Variants in OR51B5 observed in about 807,000 individuals in gnomAD.
The protein encoded by OR51B5 is olfactory receptor 51B5.
For missense variants in OR51B5, 456 were observed against 374.6 expected (o/e 1.22, Z -1.79); for synonymous variants, 186 against 144.8 (o/e 1.28, Z -2.04).
chr11:5,399,707 A>T (rs1355498111), intron 1 of OR51B5, among the ~76,000 whole-genome samples: 1 of 151,992 alleles, frequency 6.6e-6, no homozygotes, highest in Non-Finnish European at 1.5e-5. Flanking sequence ...ATCTCTTTCA[A>T]GGAGATCTGA....
At chr11:5,438,246 G>A (rs1850618800) in intron 1 of OR51B5, among the ~76,000 whole-genome samples, 1 of 150,968 alleles carries the variant, frequency 6.6e-6, no homozygotes, top group South Asian at 2.1e-4. Context: ...CAGCATGAAG[G>A]GGAACAAACC....
chr11:5,429,524 GT>G (rs1436068058), intron 1 of OR51B5, among the ~76,000 whole-genome samples: 2 of 152,188 alleles, frequency 1.3e-5, no homozygotes, highest in Non-Finnish European at 2.9e-5. Flanking sequence ...AATCAGCACA[GT>G]TCCATAAATT....
At chr11:5,422,314 C>T in intron 1 of OR51B5, 2 of 1,614,026 alleles carry the variant, frequency 1.2e-6, no homozygotes, top group Non-Finnish European at 8.5e-7. Flanking sequence ...GTCTCTACAC[C>T]ATCTCCATCA....
chr11:5,358,840 T>A (rs1323125426), intron 1 of OR51B5, among the ~76,000 whole-genome samples: 1 of 152,090 alleles, frequency 6.6e-6, no homozygotes, highest in Non-Finnish European at 1.5e-5. Context: ...TGGTTCAACA[T>A]ATGCAAATCA....
chr11:5,459,741 C>T (rs570486972), intron 1 of OR51B5, among the ~76,000 whole-genome samples: 1 of 152,106 alleles, frequency 6.6e-6, no homozygotes, highest in African/African-American at 2.4e-5. Flanking sequence ...CAGATGCTGG[C>T]GAGGTTGTGG....
rs1445875278 is a variant in OR51B5, at chr11:5,503,080, A to G, written n.84+2489T>C. Reference sequence around the variant, plus strand: ...TACAATCATAGTTGTATTAAAATATATAAAAGTACAAACATCATAGTATTG... The same window carrying G: ...TACAATCATAGTTGTATTAAAATATGTAAAAGTACAAACATCATAGTATTG... On this transcript the variant is annotated intron_variant and non_coding_transcript_variant, in intron 1 of 4. Transcript: ENST00000415970. 2.6e-5 allele frequency among the ~76,000 whole-genome samples: 4 copies of G among 152,340 alleles called. No homozygotes were observed. In the East Asian group the frequency reaches 5.8e-4, roughly 22 times the overall value.
chr11:5,356,905 A>C (rs1203884230), intron 1 of OR51B5, among the ~76,000 whole-genome samples: 3 of 149,834 alleles, frequency 2.0e-5, no homozygotes, highest in South Asian at 2.1e-4. Flanking sequence ...GAAATAAAAT[A>C]CTTTACAGAC....
intron 1 of OR51B5, among the ~76,000 whole-genome samples, chr11:5,479,065 T>A (rs949035619): frequency 9.2e-5 from 14 of 151,730 alleles, no homozygotes; most frequent in African/African-American, 3.2e-4. Context: ...ATTATCAGAT[T>A]CACCAAAGTT....
intron 1 of OR51B5, among the ~76,000 whole-genome samples, chr11:5,491,823 C>T (rs941940063): frequency 6.6e-6 from 1 of 152,182 alleles, no homozygotes; most frequent in Non-Finnish European, 1.5e-5. Flanking sequence ...TTTACCTATG[C>T]ACTAAAAAGA....
chr11:5,455,568 A>AGAGAGAGAGAGAAAGAGAAAGAGAGAC (rs531763892), intron 1 of OR51B5: 1 of 135,316 alleles, frequency 7.4e-6, no homozygotes, highest in East Asian at 2.1e-4. Flanking sequence ...AAGGGGGGAG[A>AGAGAGAGAGAGAAAGAGAAAGAGAGAC]GAGAGAGAGA....
intron 1 of OR51B5, among the ~76,000 whole-genome samples, chr11:5,450,923 G>A (rs1299826882): frequency 6.6e-6 from 1 of 151,332 alleles, no homozygotes; most frequent in Non-Finnish European, 1.5e-5. Context: ...ATGTATCCCA[G>A]AACTTAAAGT....
At chr11:5,390,339 C>T in intron 1 of OR51B5, 2 of 1,611,014 alleles carry the variant, frequency 1.2e-6, no homozygotes, top group South Asian at 1.1e-5. Context: ...ATCCACCGTG[C>T]CATTATCAAG....
intron 1 of OR51B5, among the ~76,000 whole-genome samples, chr11:5,388,715 C>T (rs913684969): frequency 2.6e-5 from 4 of 151,690 alleles, no homozygotes; most frequent in South Asian, 2.1e-4. Flanking sequence ...TTTATGTATA[C>T]GTCTCTCTTG....
At chr11:5,436,972 G>A (rs1850603684) in intron 1 of OR51B5, among the ~76,000 whole-genome samples, 1 of 152,144 alleles carries the variant, frequency 6.6e-6, no homozygotes, top group South Asian at 2.1e-4. Context: ...TTATGCCTCT[G>A]CGGAATTGTT....
intron 1 of OR51B5, among the ~76,000 whole-genome samples, chr11:5,434,903 A>G (rs1159002451): frequency 6.6e-6 from 1 of 152,200 alleles, no homozygotes; most frequent in African/African-American, 2.4e-5. Context: ...TTCTGAAGCA[A>G]AAGACATCTA....
upstream of OR51B5, among the ~76,000 whole-genome samples, chr11:5,344,080 A>T (rs1309610054): frequency 6.6e-6 from 1 of 152,238 alleles, no homozygotes; most frequent in Non-Finnish European, 1.5e-5. Context: ...GCTAAGGAGC[A>T]GTCAGATTGA....
Position 5,467,378 on chromosome 11 carries a change from C to A in OR51B5, n.84+38191G>T, listed in dbSNP as rs902246922. 1.7e-4 allele frequency among the ~76,000 whole-genome samples: 26 copies of A among 152,074 alleles called. 1 individual carries two copies. Among genetic ancestry groups the A allele is most frequent in the Admixed American group, 5.2e-4 (8 of 15,268 alleles). ...AGTAAATGATCATGTTATTTGATCC[C>A]TATGGCTTTATTTTAAAAAAGTTAT... is the stretch of plus-strand genomic sequence containing the variant. On this transcript the variant is annotated intron_variant and non_coding_transcript_variant, in intron 1 of 4. Coordinates refer to the OR51B5 transcript ENST00000415970.
At chr11:5,361,682 A>G (rs2133698226) in intron 1 of OR51B5, among the ~76,000 whole-genome samples, 1 of 152,326 alleles carries the variant, frequency 6.6e-6, no homozygotes, top group East Asian at 1.9e-4. Context: ...TGGCTTCTGA[A>G]TAATCTCTTT....
In OR51B5 at chr11:5,389,284, G is replaced by A. The variant is rs1277449517; in HGVS notation, n.85-42374C>T. 3 of 1,006,476 alleles carry A rather than the reference G, an allele frequency of 3.0e-6. No homozygotes were observed. In the African/African-American group the frequency reaches 4.8e-5, roughly 16 times the overall value. The allele number at this position is 1,006,476 out of a possible 1,614,324, so 62.3% of individuals were successfully genotyped here. On this transcript the variant is annotated intron_variant and non_coding_transcript_variant, in intron 1 of 4. Transcript: ENST00000415970. Reference sequence around the variant, plus strand: ...TGGCAGAATTCATAAGGGTGGAGTAGATAATACTAAAGGTGATGATGACCA... The same window carrying A: ...TGGCAGAATTCATAAGGGTGGAGTAAATAATACTAAAGGTGATGATGACCA...
Sources: gnomAD v4.1 joint callset for allele counts (sites outside exome capture counted in the v4.1 genomes callset) on GRCh38, gnomAD v4.1.1 for gene constraint, MANE v1.5 for transcripts, NCBI Gene and HGNC (gene_info 2026-07-23, HGNC 2026-07-21) for gene names.